Variants in LRCH3 observed in about 807,000 individuals in gnomAD.
LRCH3 encodes DISP complex protein LRCH3.
In LRCH3, 68 loss-of-function variants were observed where a neutral mutation model predicts 104.5. The observed-to-expected ratio is 0.65, with a 90% CI of 0.54 to 0.80. The LOEUF (loss-of-function observed/expected upper bound fraction) is 0.80. LRCH3 is among the 30% of genes least tolerant of loss of function. The pLI, the probability that LRCH3 is intolerant of heterozygous loss-of-function variation, is 0.00. For synonymous variants in LRCH3, 344 were observed against 361.3 expected, an observed-to-expected ratio of 0.95 and a Z score of 0.54; for missense variants, 951 against 953.9, an observed-to-expected ratio of 1.00 and a Z score of 0.04.
chr3:197,865,767 GTT>G (rs11324714), intron 16 of LRCH3, among the ~76,000 whole-genome samples: 278 of 140,228 alleles, frequency 2.0e-3, no homozygotes, highest in African/African-American at 6.9e-3. Flanking sequence ...AAACCACTGG[GTT>G]TTTTTTTTTT....
chr3:197,825,976 T>C (rs1735161647), intron 4 of LRCH3, among the ~76,000 whole-genome samples: 1 of 152,202 alleles, frequency 6.6e-6, no homozygotes. Context: ...AAACTAAAGA[T>C]AGTCTAGCTT....
intron 10 of LRCH3, among the ~76,000 whole-genome samples, chr3:197,840,530 A>G (rs149862807): frequency 6.6e-6 from 1 of 152,364 alleles, no homozygotes; most frequent in African/African-American, 2.4e-5. Context: ...CTTGAATTCC[A>G]GAATGTTTCT....
In LRCH3 at chr3:197,817,255, G is replaced by C; in HGVS notation, c.487G>C (p.Val163Leu). The change falls in exon 3 of 21, where the codon GTG becomes CTG. Residue 163 changes from valine to leucine, a missense_variant. Val to Leu is a conservative substitution (Grantham distance 32). Transcript: ENST00000425562. ...CTTAATTGCTAGTAATAACAAATTG[G>C]TGTCACTTCCAGAAGAAATTGGACA... The part of the protein sequence containing the change: ...KVLIASNNKL[V>L]SLPEEIGHLR... 3.7e-6 allele frequency: 6 copies of C among 1,610,960 alleles called. No homozygotes were observed. The highest frequency in any genetic ancestry group is 5.1e-6 in the Non-Finnish European group (6 of 1,178,690).
Position 197,791,296 on chromosome 3 carries a change from G to A in LRCH3, c.18G>A (p.Leu6=). MAAAG[L]VAVAAAAEYS... ...GCTGGGAAATGGCGGCCGCGGGCTTGGTCGCTGTGGCAGCGGCTGCCGAGT... is the reference window on the plus strand; with the variant it reads ...GCTGGGAAATGGCGGCCGCGGGCTTAGTCGCTGTGGCAGCGGCTGCCGAGT... Residue 6 remains leucine, a synonymous_variant, in exon 1 of 21, where the codon TTG becomes TTA. Coordinates refer to ENST00000425562, the MANE Select transcript of LRCH3 (RefSeq NM_001365715.1). The A allele has an allele frequency of 6.2e-7, 1 of 1,608,880 alleles. No homozygotes were observed. Among genetic ancestry groups the A allele is most frequent in the South Asian group, 1.1e-5 (1 of 90,596 alleles).
chr3:197,824,594 TCTCA>T (rs1734907180), intron 4 of LRCH3, among the ~76,000 whole-genome samples: 1 of 148,766 alleles, frequency 6.7e-6, no homozygotes. Flanking sequence ...TTTGAGACAG[TCTCA>T]CTCTGTCACC....
intron 9 of LRCH3, among the ~76,000 whole-genome samples, chr3:197,837,872 C>T (rs143644088): frequency 5.5e-4 from 83 of 150,156 alleles, no homozygotes; most frequent in East Asian, 2.1e-3. Context: ...CATGAAGAAA[C>T]GCTGTCTCTA....
intron 15 of LRCH3, among the ~76,000 whole-genome samples, chr3:197,863,396 G>C (rs113881995): frequency 2.0e-5 from 3 of 152,156 alleles, no homozygotes; most frequent in African/African-American, 4.8e-5. Context: ...CAAGTAGCTG[G>C]GACTACAGGC....
At chr3:197,875,058 G>A (rs771221907) in intron 19 of LRCH3, among the ~76,000 whole-genome samples, 5 of 151,736 alleles carry the variant, frequency 3.3e-5, no homozygotes, top group Non-Finnish European at 7.4e-5. Flanking sequence ...AGCCTCCCGA[G>A]TAGCTGGGAT....
intron 1 of LRCH3, among the ~76,000 whole-genome samples, chr3:197,811,138 C>T (rs1267511249): frequency 2.6e-5 from 4 of 152,100 alleles, no homozygotes; most frequent in Non-Finnish European, 5.9e-5. Flanking sequence ...ACTGCGCTGC[C>T]GTCTATGTTC....
rs71166710 is a variant in LRCH3 at position 197,833,365 on chromosome 3, G to GAAAAAAAAAA, written c.1102+1065_1102+1074dup. ...TGAAACCCCATCTCTACTAAAAACCGAAAAAAAAAAAAAAAAAAAAAAAAA... is the reference window on the plus strand; with the variant it reads ...TGAAACCCCATCTCTACTAAAAACCGAAAAAAAAAAAAAAAAAAAAAAAAAAAAAAAAAAA... On this transcript the variant is annotated intron_variant, in intron 8 of 20. Transcript: ENST00000425562. Among the ~76,000 whole-genome samples, 9 of 33,334 alleles carry GAAAAAAAAAA rather than the reference G, an allele frequency of 2.7e-4. 2 individuals are homozygous for GAAAAAAAAAA. Among genetic ancestry groups the GAAAAAAAAAA allele is most frequent in the Admixed American group, 1.6e-3 (3 of 1,858 alleles). The allele number at this position is 33,334 out of a possible 152,430, so 21.9% of individuals were successfully genotyped here.
chr3:197,847,774 G>GT, intron 11 of LRCH3, 98 bp from the exon 12 acceptor site: 1 of 1,317,202 alleles, frequency 7.6e-7, no homozygotes. Context: ...CAAAGCAAAA[G>GT]TTGCATGGGT....
intron 4 of LRCH3, among the ~76,000 whole-genome samples, chr3:197,822,608 G>GT (rs1219408037): frequency 6.6e-6 from 1 of 152,110 alleles, no homozygotes; most frequent in African/African-American, 2.4e-5. Flanking sequence ...ACATATAGTT[G>GT]AACTGAGTTA....
intron 20 of LRCH3, among the ~76,000 whole-genome samples, chr3:197,877,626 C>T (rs530993416): frequency 1.3e-5 from 2 of 152,382 alleles, no homozygotes; most frequent in South Asian, 2.1e-4. Context: ...GACTAGGCCA[C>T]AGCATCACAT....
chr3:197,865,560 C>T (rs1382853188), intron 16 of LRCH3, 89 bp downstream of exon 16: 4 of 855,996 alleles, frequency 4.7e-6, no homozygotes, highest in East Asian at 3.3e-5. Flanking sequence ...GAGACGAGGC[C>T]TTTCTGTGTT....
intron 20 of LRCH3, among the ~76,000 whole-genome samples, chr3:197,878,456 A>G (rs183466703): frequency 6.6e-6 from 1 of 150,720 alleles, no homozygotes; most frequent in East Asian, 1.9e-4. Context: ...AAGTACGAAG[A>G]AAAAAAAAAT....
At chr3:197,827,994 T>C (rs1735431779) in intron 5 of LRCH3, among the ~76,000 whole-genome samples, 2 of 151,514 alleles carry the variant, frequency 1.3e-5, no homozygotes, top group African/African-American at 4.9e-5. Flanking sequence ...GGAAAATCAC[T>C]TGAACCCAGG....
intron 9 of LRCH3, among the ~76,000 whole-genome samples, chr3:197,838,612 T>C (rs542337174): frequency 6.6e-6 from 1 of 152,250 alleles, no homozygotes; most frequent in Admixed American, 6.5e-5. Flanking sequence ...TTTGATAACC[T>C]TTAATCCTCT....
intron 8 of LRCH3, among the ~76,000 whole-genome samples, chr3:197,833,713 T>G (rs916082806): frequency 5.9e-4 from 90 of 152,326 alleles, no homozygotes; most frequent in African/African-American, 2.1e-3. Context: ...TTAAAGTTAA[T>G]GCTGCCTCTT....
intron 9 of LRCH3, among the ~76,000 whole-genome samples, chr3:197,837,174 A>G (rs199996197): frequency 6.6e-6 from 1 of 152,310 alleles, no homozygotes; most frequent in East Asian, 1.9e-4. Context: ...CTGCTGGAGC[A>G]AGGGGCAACT....
Sources: gnomAD v4.1 joint callset for allele counts (sites outside exome capture counted in the v4.1 genomes callset) on GRCh38, gnomAD v4.1.1 for gene constraint, MANE v1.5 for transcripts, NCBI Gene and HGNC (gene_info 2026-07-23, HGNC 2026-07-21) for gene names.